The following FBXO4 variants were observed in gnomAD, a reference collection of about 807,000 sequenced individuals.
The protein encoded by FBXO4 is F-box only protein 4.
A neutral mutation model predicts 43.7 loss-of-function variants in FBXO4; 36 were observed. The observed-to-expected ratio is 0.82, with a 90% CI of 0.63 to 1.09. The LOEUF is 1.09. Ranked by LOEUF, FBXO4 falls within the 50% of genes least tolerant of loss-of-function variation. The probability of loss-of-function intolerance (pLI) is 0.00; values close to 1 mark genes in which losing one functional copy is unlikely to be tolerated. For missense variants in FBXO4, 435 were observed against 474.1 expected, an observed-to-expected ratio of 0.92 and a Z score of 0.77; for synonymous variants, 180 against 165.6, an observed-to-expected ratio of 1.09 and a Z score of -0.67.
At chr5:42,033,452 G>A in the FBXO4 span, among the ~76,000 whole-genome samples, 1 of 152,108 alleles carries the variant, frequency 6.6e-6, no homozygotes, top group Non-Finnish European at 1.5e-5. Flanking sequence ...AGATATACGT[G>A]TGTCATGGTG....
At chr5:41,986,565 C>T in the FBXO4 span, among the ~76,000 whole-genome samples, 3 of 152,078 alleles carry the variant, frequency 2.0e-5, no homozygotes, top group Middle Eastern at 3.2e-3. Context: ...GTGATGCTAC[C>T]GTTTGTATTT....
At chr5:41,966,756 C>A in the FBXO4 span, among the ~76,000 whole-genome samples, 4 of 152,080 alleles carry the variant, frequency 2.6e-5, no homozygotes, top group Admixed American at 2.6e-4. Flanking sequence ...GAGTTGAACT[C>A]AAAAGGTTTG....
chr5:42,039,278 T>C, the FBXO4 span, among the ~76,000 whole-genome samples: 2 of 152,240 alleles, frequency 1.3e-5, no homozygotes, highest in South Asian at 2.1e-4. Flanking sequence ...ATTTGTCCTC[T>C]AGATTTGCTG....
chr5:42,033,127 A>G, the FBXO4 span, among the ~76,000 whole-genome samples: 3 of 151,876 alleles, frequency 2.0e-5, no homozygotes, highest in South Asian at 2.1e-4. Flanking sequence ...CCTCTCCTCT[A>G]CTTAAGTGGA....
chr5:42,028,368 A>G, the FBXO4 span, among the ~76,000 whole-genome samples: 2 of 151,816 alleles, frequency 1.3e-5, no homozygotes, highest in African/African-American at 4.8e-5. Flanking sequence ...TTCCATTGGC[A>G]TGGAATTATC....
chr5:42,018,970 C>G, the FBXO4 span, among the ~76,000 whole-genome samples: 1 of 152,204 alleles, frequency 6.6e-6, no homozygotes, highest in South Asian at 2.1e-4. Flanking sequence ...GTGAACAGAG[C>G]GAAGGGAACA....
the FBXO4 span, among the ~76,000 whole-genome samples, chr5:42,035,687 A>C: frequency 6.3e-3 from 963 of 152,246 alleles, 9 homozygotes; most frequent in Middle Eastern, 0.027. Flanking sequence ...ATCGTGTTCC[A>C]TGAGAAAAGA....
the FBXO4 span, among the ~76,000 whole-genome samples, chr5:41,976,441 A>T: frequency 2.0e-5 from 3 of 152,228 alleles, no homozygotes; most frequent in Non-Finnish European, 2.9e-5. Flanking sequence ...CCAAGATAAG[A>T]TGGTATTATA....
chr5:41,936,548 T>G (rs181157761), intron 5 of FBXO4, among the ~76,000 whole-genome samples: 1 of 151,828 alleles, frequency 6.6e-6, no homozygotes, highest in East Asian at 1.9e-4. Context: ...CACAAAAAAA[T>G]GAGAGATTGA....
chr5:41,925,374 G>A lies in FBXO4; in HGVS notation c.65G>A (p.Arg22His), dbSNP rs553344441. ...CCGCCGCCCTTCAGCGACTGGGGCC[G>A]CCTGGAGGCGGCCATCCTCAGCGGC... ...SPPPPFSDWG[R>H]LEAAILSGWK... is the part of the protein sequence containing the mutation. Residue 22 changes from arginine to histidine, a missense_variant, in exon 1 of 7, where the codon CGC becomes CAC. By Grantham distance (29) the Arg-to-His change is conservative (BLOSUM62 0). Transcript: ENST00000281623. 1.5e-6 allele frequency: 2 copies of A among 1,376,766 alleles called. No homozygotes were observed. Among genetic ancestry groups the A allele is most frequent in the Non-Finnish European group, 9.4e-7 (1 of 1,060,972 alleles). The allele number at this position is 1,376,766 out of a possible 1,614,324, so 85.3% of individuals were successfully genotyped here. A position where few individuals can be genotyped will look rare whatever the true frequency, so the allele number is the denominator to read the frequency against.
the FBXO4 span, among the ~76,000 whole-genome samples, chr5:42,005,297 G>C: frequency 6.6e-6 from 1 of 152,032 alleles, no homozygotes. Flanking sequence ...AACTTTATTT[G>C]CTTCATAAGT....
At chr5:41,932,315 G>A (rs1344776515) in intron 3 of FBXO4, among the ~76,000 whole-genome samples, 4 of 152,190 alleles carry the variant, frequency 2.6e-5, no homozygotes, top group Non-Finnish European at 5.9e-5. Flanking sequence ...TGCAGCTGAT[G>A]AAAACAAAGA....
chr5:41,991,964 G>A, the FBXO4 span, among the ~76,000 whole-genome samples: 3 of 152,144 alleles, frequency 2.0e-5, no homozygotes, highest in Non-Finnish European at 2.9e-5. Flanking sequence ...TGTAATCCCA[G>A]CTACTCGGGA....
the FBXO4 span, among the ~76,000 whole-genome samples, chr5:41,986,943 T>C: frequency 6.6e-6 from 1 of 152,166 alleles, no homozygotes; most frequent in Admixed American, 6.5e-5. Context: ...AATGTTACAG[T>C]CATCCTGCTG....
At chr5:42,033,953 T>C in the FBXO4 span, among the ~76,000 whole-genome samples, 1 of 152,250 alleles carries the variant, frequency 6.6e-6, no homozygotes, top group Non-Finnish European at 1.5e-5. Flanking sequence ...TCAGCAATGG[T>C]TGAATTAATT....
chr5:42,031,897 G>A, the FBXO4 span, among the ~76,000 whole-genome samples: 3 of 151,994 alleles, frequency 2.0e-5, no homozygotes, highest in Non-Finnish European at 2.9e-5. Flanking sequence ...AGGAAGCATC[G>A]TAAGTTCAGT....
chr5:41,938,869 A>G (rs886254636), intron 5 of FBXO4, among the ~76,000 whole-genome samples: 1 of 152,176 alleles, frequency 6.6e-6, no homozygotes, highest in African/African-American at 2.4e-5. Flanking sequence ...CCATCTTCCA[A>G]TCCAGCAATG....
At chr5:41,967,191 C>A in the FBXO4 span, 7 of 484,832 alleles carry the variant, frequency 1.4e-5, no homozygotes, top group African/African-American at 1.2e-4. Flanking sequence ...GTTCTTCAAG[C>A]CTCAGCACTT....
the FBXO4 span, among the ~76,000 whole-genome samples, chr5:41,987,970 C>G: frequency 6.6e-6 from 1 of 152,302 alleles, no homozygotes; most frequent in Admixed American, 6.5e-5. Context: ...CCTGCCATAT[C>G]TGATTCTGGC....
Sources: allele counts gnomAD v4.1 joint callset (sites outside exome capture counted in the v4.1 genomes callset), GRCh38; gene constraint gnomAD v4.1.1; transcripts MANE v1.5; gene names NCBI Gene and HGNC (gene_info 2026-07-23, HGNC 2026-07-21).